HECW1: variants seen among roughly 807,000 people sequenced by gnomAD.
HECW1 encodes HECT, C2 and WW domain containing E3 ubiquitin protein ligase 1.
Under a neutral mutation model 182.3 loss-of-function variants are expected in HECW1, and 61 were observed. The observed-to-expected ratio is 0.33, with a 90% confidence interval of 0.27 to 0.41. The LOEUF is 0.41. Ranked by LOEUF, HECW1 falls within the 10% of genes least tolerant of loss-of-function variation. HECW1 has a pLI of 1.00. For synonymous variants in HECW1, 859 were observed against 832.6 expected, an observed-to-expected ratio of 1.03 and a Z score of -0.55; for missense variants, 1,739 against 2,108.9, an observed-to-expected ratio of 0.82 and a Z score of 3.44.
At chr7:43,117,819 G>C (rs928007840) in intron 2 of HECW1, 1 of 152,298 alleles carries the variant, frequency 6.6e-6, no homozygotes, top group Non-Finnish European at 1.5e-5. Context: ...GGCAACATAT[G>C]ACAAAGATCA....
intron 2 of HECW1, among the ~76,000 whole-genome samples, chr7:43,218,789 G>A (rs551508044): frequency 1.3e-5 from 2 of 152,280 alleles, no homozygotes; most frequent in African/African-American, 2.4e-5. Context: ...GTGATACAAC[G>A]AGTGGAGGAA....
Position 43,554,764 on chromosome 7 carries a change from A to C in HECW1, c.4683A>C (p.Lys1561Asn), listed in dbSNP as rs1262325640. The C allele has an allele frequency of 1.2e-6, 2 of 1,613,750 alleles. No individual in the cohort carries two copies. Among genetic ancestry groups the C allele is most frequent in the African/African-American group, 2.7e-5 (2 of 74,940 alleles). ...GGCTTCGGCGCTTCTGCATAGAGAA[A>C]TGGGGGAAAATTACTTCTCTCCCCA... ...SNGLRRFCIEKWGKITSLPRA... is the reference protein window; with the variant it reads ...SNGLRRFCIENWGKITSLPRA... Residue 1561 changes from lysine (K) to asparagine (N), a missense_variant, in exon 29 of 30, where the codon AAA (lysine) becomes AAC (asparagine). Around this residue, in one of 5 missense-constraint regions of HECW1, gnomAD observed 420 missense variants for 595.7 expected, o/e 0.71. Coordinates refer to ENST00000395891, the MANE Select transcript of HECW1 (RefSeq NM_015052.5).
intron 5 of HECW1, among the ~76,000 whole-genome samples, chr7:43,348,045 G>T (rs1283487431): frequency 6.6e-6 from 1 of 152,190 alleles, no homozygotes; most frequent in Non-Finnish European, 1.5e-5. Context: ...GAATGAATTA[G>T]AGAGGGTTCC....
intron 8 of HECW1, among the ~76,000 whole-genome samples, chr7:43,429,372 G>A (rs1203761379): frequency 2.1e-5 from 3 of 142,920 alleles, no homozygotes; most frequent in Non-Finnish European, 3.0e-5. Context: ...CAAGGCTTAC[G>A]TCTCAGCAGC....
chr7:43,350,638 A>G (rs918553711), intron 5 of HECW1, among the ~76,000 whole-genome samples: 1 of 152,112 alleles, frequency 6.6e-6, no homozygotes, highest in African/African-American at 2.4e-5. Context: ...TCTTTCTTCT[A>G]CTTGTTCAGT....
chr7:43,466,695 G>T, intron 15 of HECW1, 127 bp downstream of exon 15: 2 of 1,099,880 alleles, frequency 1.8e-6, no homozygotes, highest in Non-Finnish European at 2.5e-6. Context: ...AAAGAAAACA[G>T]CTCAGTCCAC....
intron 5 of HECW1, among the ~76,000 whole-genome samples, chr7:43,337,528 G>A (rs1162459392): frequency 6.6e-6 from 1 of 152,204 alleles, no homozygotes; most frequent in Non-Finnish European, 1.5e-5. Context: ...GGTCAGCCAA[G>A]TGGCCAGTGC....
chr7:43,168,308 A>G (rs73314734), intron 2 of HECW1, among the ~76,000 whole-genome samples: 7,319 of 152,218 alleles, frequency 0.048, 567 homozygotes, highest in African/African-American at 0.17. Context: ...GCTATTATAC[A>G]GTATGTGGTG....
chr7:43,181,898 G>T (rs6943910), intron 2 of HECW1, among the ~76,000 whole-genome samples: 1 of 150,020 alleles, frequency 6.7e-6, no homozygotes, highest in South Asian at 2.1e-4. Context: ...TGCCATTCTC[G>T]TGCCTCAGCC....
At chr7:43,240,816 C>T (rs919790198) in intron 2 of HECW1, among the ~76,000 whole-genome samples, 1 of 152,142 alleles carries the variant, frequency 6.6e-6, no homozygotes, top group Non-Finnish European at 1.5e-5. Context: ...CAGCCAGGAC[C>T]TATGAAGAAG....
Position 43,445,310 on chromosome 7 carries a change from T to A in HECW1, c.2138T>A (p.Phe713Tyr). Reference protein sequence around the residue: ...YSPSCYNGNRFASHTRFSSVD... With the variant: ...YSPSCYNGNRYASHTRFSSVD... Reference sequence around the variant, plus strand: ...CCCTCCTGCTACAACGGCAACAGGTTCGCCAGCCACACGCGCTTCTCCTCC... The same window carrying A: ...CCCTCCTGCTACAACGGCAACAGGTACGCCAGCCACACGCGCTTCTCCTCC... Residue 713 changes from phenylalanine to tyrosine, a missense_variant, in exon 11 of 30, where the codon TTC becomes TAC. Phe to Tyr is a conservative substitution (Grantham distance 22, BLOSUM62 3). Around this residue, in one of 5 missense-constraint regions of HECW1, gnomAD observed 971 missense variants for 1,029.1 expected, o/e 0.94. Coordinates refer to ENST00000395891, the MANE Select transcript of HECW1 (RefSeq NM_015052.5). 1 of 1,613,338 alleles carries A rather than the reference T, an allele frequency of 6.2e-7. No homozygotes were observed. Among genetic ancestry groups the A allele is most frequent in the Non-Finnish European group, 8.5e-7 (1 of 1,180,014 alleles).
Position 43,562,467 on chromosome 7 carries a change from C to A in HECW1, c.*541C>A, listed in dbSNP as rs2082234091. 4.4e-6 allele frequency: 1 copy of A among 227,998 alleles called. No individual in the cohort carries two copies. Among genetic ancestry groups the A allele is most frequent in the Non-Finnish European group, 8.7e-6 (1 of 114,742 alleles). The allele number at this position is 227,998 out of a possible 1,614,324, so 14.1% of individuals were successfully genotyped here. ...ATATCCATCCAAAGGACAACAGTGG[C>A]AAAGCTGAAATTTTTATACATTCAA... On this transcript the variant is annotated 3_prime_UTR_variant, in exon 30 of 30. Transcript: ENST00000395891.
At chr7:43,519,980 G>T (rs894920318) in intron 24 of HECW1, among the ~76,000 whole-genome samples, 5 of 152,210 alleles carry the variant, frequency 3.3e-5, no homozygotes, top group Non-Finnish European at 5.9e-5. Flanking sequence ...AGCCAGCCAT[G>T]CCAGGAGAAG....
At chr7:43,480,641 ATATG>A (rs200859187) in intron 17 of HECW1, among the ~76,000 whole-genome samples, 1,607 of 149,632 alleles carry the variant, frequency 0.011, 32 homozygotes, top group African/African-American at 0.038. Context: ...GTGTGTGTAC[ATATG>A]TGTGTGTGTG....
Position 43,541,941 on chromosome 7 carries a change from C to T in HECW1, c.4191C>T (p.Asn1397=). 1 of 1,562,420 alleles carries T rather than the reference C, an allele frequency of 6.4e-7. No homozygotes were observed. Among genetic ancestry groups the T allele is most frequent in the Non-Finnish European group, 8.7e-7 (1 of 1,154,026 alleles). The change falls in exon 26 of 30, where the codon AAC becomes AAT. Residue 1397 remains asparagine (N), a synonymous_variant. Transcript: ENST00000395891. ...FHQSLQWMKD[N]NITDILDLTF... is the part of the protein sequence containing the mutation. ...AGAGTTTGCAGTGGATGAAGGACAACAACATCACAGACATCTTAGACCTCA... is the reference window on the plus strand; with the variant it reads ...AGAGTTTGCAGTGGATGAAGGACAATAACATCACAGACATCTTAGACCTCA...
chr7:43,247,744 AGGG>A (rs1799528285), intron 3 of HECW1, among the ~76,000 whole-genome samples: 1 of 109,808 alleles, frequency 9.1e-6, no homozygotes, highest in African/African-American at 3.5e-5. Context: ...GGAAGGAAGG[AGGG>A]AGGGAGGAAG....
chr7:43,121,857 A>C (rs2152605332), intron 2 of HECW1: 1 of 152,320 alleles, frequency 6.6e-6, no homozygotes, highest in Non-Finnish European at 1.5e-5. Flanking sequence ...CACTTCTCTT[A>C]GTATTCCTGA....
chr7:43,554,536 C>T (rs1038640281), intron 28 of HECW1, 56 bp from the exon 29 acceptor site: 46 of 1,464,776 alleles, frequency 3.1e-5, no homozygotes, highest in Non-Finnish European at 4.1e-5. Context: ...TCTCCCTCCT[C>T]ACCCCTTCCT....
chr7:43,536,817 C>T (rs994153052), intron 24 of HECW1, among the ~76,000 whole-genome samples: 2 of 152,156 alleles, frequency 1.3e-5, no homozygotes, highest in Non-Finnish European at 2.9e-5. Flanking sequence ...ACTCTTAGGG[C>T]CCAGGCAACT....
Sources: allele counts gnomAD v4.1 joint callset (sites outside exome capture counted in the v4.1 genomes callset), GRCh38; gene constraint gnomAD v4.1.1; regional missense constraint gnomAD v4.1.1; transcripts MANE v1.5; gene names NCBI Gene and HGNC (gene_info 2026-07-23, HGNC 2026-07-21).